The following PDZD2 variants were observed in gnomAD, a reference collection of about 807,000 sequenced individuals.
PDZD2 encodes PDZ domain containing 2, also known as PDZ domain-containing protein 2.
A neutral mutation model predicts 220.7 loss-of-function variants in PDZD2; 90 were observed. The ratio of observed to expected loss-of-function variants is 0.41; its 90% CI spans 0.34 to 0.49. The LOEUF is 0.49. PDZD2 is among the 20% of genes least tolerant of loss of function. PDZD2 has a pLI of 0.28. For synonymous variants in PDZD2, 1,375 were observed against 1,450.5 expected, an observed-to-expected ratio of 0.95 and a Z score of 1.18; for missense variants, 3,174 against 3,608.5, an observed-to-expected ratio of 0.88 and a Z score of 3.08.
intron 2 of PDZD2, among the ~76,000 whole-genome samples, chr5:31,874,177 C>A (rs1450992621): frequency 6.6e-6 from 1 of 152,192 alleles, no homozygotes; most frequent in Admixed American, 6.6e-5. Context: ...ATGAAGCCCA[C>A]TCACATTATG....
intron 14 of PDZD2, among the ~76,000 whole-genome samples, chr5:32,068,283 AAAG>A (rs1239338473): frequency 6.6e-6 from 1 of 152,204 alleles, no homozygotes; most frequent in Non-Finnish European, 1.5e-5. Flanking sequence ...GTTTCAGATT[AAAG>A]GAGACTAAAG....
chr5:32,092,206 T>A (rs186454946), intron 20 of PDZD2, among the ~76,000 whole-genome samples: 5 of 139,002 alleles, frequency 3.6e-5, no homozygotes, highest in South Asian at 2.3e-4. Flanking sequence ...CCCAGGAGGC[T>A]GATGTTGCAG....
At chr5:31,786,674 G>A (rs867570264) in intron 1 of PDZD2, among the ~76,000 whole-genome samples, 1 of 152,038 alleles carries the variant, frequency 6.6e-6, no homozygotes, top group Admixed American at 6.5e-5. Context: ...ATTTGGGGGG[G>A]TGTAGGGGGA....
At chr5:31,904,552 G>C (rs1186822534) in intron 2 of PDZD2, among the ~76,000 whole-genome samples, 1 of 152,236 alleles carries the variant, frequency 6.6e-6, no homozygotes, top group East Asian at 1.9e-4. Flanking sequence ...TTTTGAGACA[G>C]AGTCTCGCTC....
chr5:31,690,558 C>G (rs56662212), intron 1 of PDZD2, among the ~76,000 whole-genome samples: 16,394 of 152,196 alleles, frequency 0.11, 984 homozygotes, highest in East Asian at 0.24. Flanking sequence ...CATCTTCCAG[C>G]TCTGGTGGCC....
intron 3 of PDZD2, among the ~76,000 whole-genome samples, chr5:31,993,862 G>T (rs1345134493): frequency 1.3e-5 from 2 of 152,168 alleles, no homozygotes; most frequent in African/African-American, 2.4e-5. Context: ...AATAGCTAAG[G>T]ACTTGGGGGA....
intron 2 of PDZD2, among the ~76,000 whole-genome samples, chr5:31,846,435 A>G (rs7729039): frequency 0.13 from 19,330 of 152,158 alleles, 1,329 homozygotes; most frequent in Middle Eastern, 0.2. Context: ...ACGCCTGGCC[A>G]GGTTTGAAGC....
chr5:31,864,837 G>GTT (rs1738047518), intron 2 of PDZD2, among the ~76,000 whole-genome samples: 1 of 106,646 alleles, frequency 9.4e-6, no homozygotes, highest in Non-Finnish European at 1.9e-5. Flanking sequence ...TATGAGATTT[G>GTT]TCTTTTTTTT....
intron 2 of PDZD2, among the ~76,000 whole-genome samples, chr5:31,856,479 T>A (rs1178235010): frequency 6.6e-6 from 1 of 152,174 alleles, no homozygotes; most frequent in Non-Finnish European, 1.5e-5. Flanking sequence ...AAGGCTTATC[T>A]GGGCCCTCAC....
chr5:31,760,696 C>T (rs934644663), intron 1 of PDZD2, among the ~76,000 whole-genome samples: 8 of 152,038 alleles, frequency 5.3e-5, no homozygotes, highest in South Asian at 2.1e-4. Flanking sequence ...CCAAGTCGGG[C>T]GGATCGCTTG....
At chr5:31,809,053 A>G (rs1415296473) in intron 2 of PDZD2, among the ~76,000 whole-genome samples, 1 of 152,230 alleles carries the variant, frequency 6.6e-6, no homozygotes, top group East Asian at 1.9e-4. Context: ...ACATAAAAAC[A>G]TAGAAAATCT....
At chr5:31,761,703 A>T (rs1751664124) in intron 1 of PDZD2, among the ~76,000 whole-genome samples, 1 of 152,054 alleles carries the variant, frequency 6.6e-6, no homozygotes, top group East Asian at 1.9e-4. Flanking sequence ...TCTACTAAAA[A>T]TACAAAAAGT....
chr5:31,911,811 C>T (rs1875981), intron 2 of PDZD2, among the ~76,000 whole-genome samples: 10 of 152,030 alleles, frequency 6.6e-5, no homozygotes, highest in East Asian at 1.9e-4. Flanking sequence ...GCCAGGACTG[C>T]GCTTCTCTTC....
At chr5:31,709,086 C>T (rs2150137823) in intron 1 of PDZD2, among the ~76,000 whole-genome samples, 1 of 152,090 alleles carries the variant, frequency 6.6e-6, no homozygotes, top group East Asian at 1.9e-4. Context: ...CGGGGTTTCA[C>T]CATGTTGGCC....
At chr5:31,706,467 C>T (rs1747825591) in intron 1 of PDZD2, among the ~76,000 whole-genome samples, 3 of 151,934 alleles carry the variant, frequency 2.0e-5, no homozygotes, top group Admixed American at 2.0e-4. Context: ...AGCAGGTAGG[C>T]ATGTGGTGAG....
At chr5:31,855,475 C>T (rs2150304523) in intron 2 of PDZD2, among the ~76,000 whole-genome samples, 1 of 152,314 alleles carries the variant, frequency 6.6e-6, no homozygotes, top group East Asian at 1.9e-4. Flanking sequence ...AAGGGGTGCC[C>T]AGAGGGGACA....
chr5:31,902,614 C>A (rs1561556317), intron 2 of PDZD2, among the ~76,000 whole-genome samples: 1 of 150,318 alleles, frequency 6.7e-6, no homozygotes, highest in Non-Finnish European at 1.5e-5. Flanking sequence ...TCCCGAGTAG[C>A]TGGGATTACA....
At chr5:31,760,722 G>A (rs879820829) in intron 1 of PDZD2, among the ~76,000 whole-genome samples, 16 of 152,102 alleles carry the variant, frequency 1.1e-4, no homozygotes, top group Non-Finnish European at 1.2e-4. Context: ...AGGAGTTCAA[G>A]ACCAGTCTAG....
chr5:31,893,008 T>A (rs908129394), intron 2 of PDZD2, among the ~76,000 whole-genome samples: 43 of 151,916 alleles, frequency 2.8e-4, no homozygotes, highest in Non-Finnish European at 5.9e-5. Flanking sequence ...CAAGGGAGGG[T>A]TTTCCTAGAG....
Sources: allele counts gnomAD v4.1 joint callset (sites outside exome capture counted in the v4.1 genomes callset), GRCh38; gene constraint gnomAD v4.1.1; transcripts MANE v1.5; gene names NCBI Gene and HGNC (gene_info 2026-07-23, HGNC 2026-07-21).